MAF: variants seen among roughly 807,000 people sequenced by gnomAD.
The protein encoded by MAF is MAF bZIP transcription factor.
MAF carries 10 observed loss-of-function variants against 22.0 expected under a neutral mutation model. The ratio of observed to expected loss-of-function variants is 0.45; its 90% confidence interval spans 0.28 to 0.77. The LOEUF is 0.77. Ranked by LOEUF, MAF falls within the 30% of genes least tolerant of loss-of-function variation. The probability of loss-of-function intolerance (pLI) is 0.12; values close to 1 mark genes in which losing one functional copy is unlikely to be tolerated. For missense variants in MAF, 544 were observed against 548.4 expected, an observed-to-expected ratio of 0.99 and a Z score of 0.08; for synonymous variants, 337 against 255.8, an observed-to-expected ratio of 1.32 and a Z score of -3.03.
intron 1 of MAF, chr16:79,595,774 A>G (rs1913482769): frequency 9.5e-7 from 1 of 1,056,800 alleles, no homozygotes; most frequent in South Asian, 4.6e-5. Flanking sequence ...AATCATTACT[A>G]GCTCATCCAG....
the MAF span, among the ~76,000 whole-genome samples, chr16:79,351,095 C>G: frequency 6.6e-6 from 1 of 152,148 alleles, no homozygotes; most frequent in Non-Finnish European, 1.5e-5. Context: ...AAGTGGCATG[C>G]TCACTTGAAA....
chr16:79,257,960 G>C, the MAF span, among the ~76,000 whole-genome samples: 1 of 152,178 alleles, frequency 6.6e-6, no homozygotes, highest in Non-Finnish European at 1.5e-5. Flanking sequence ...ACTCTGCCAT[G>C]ATTTCTAAAA....
chr16:79,251,196 T>G, the MAF span, among the ~76,000 whole-genome samples: 1 of 152,200 alleles, frequency 6.6e-6, no homozygotes, highest in Non-Finnish European at 1.5e-5. Flanking sequence ...ACTTAAACCC[T>G]GTGTCAAAAT....
At chr16:79,306,979 T>G in the MAF span, among the ~76,000 whole-genome samples, 1 of 152,218 alleles carries the variant, frequency 6.6e-6, no homozygotes, top group Admixed American at 6.5e-5. Flanking sequence ...ATATGTACAA[T>G]CTGCTGTCTT....
At chr16:79,209,311 A>G in the MAF span, among the ~76,000 whole-genome samples, 10 of 152,204 alleles carry the variant, frequency 6.6e-5, no homozygotes, top group African/African-American at 2.4e-4. Flanking sequence ...CTTAGCAAAA[A>G]TACCATTCCA....
the MAF span, among the ~76,000 whole-genome samples, chr16:79,469,414 C>G: frequency 5.3e-5 from 8 of 152,224 alleles, no homozygotes; most frequent in South Asian, 1.5e-3. Context: ...CGCCTATTAC[C>G]TGGGTGGCTT....
the MAF span, among the ~76,000 whole-genome samples, chr16:79,386,738 C>T: frequency 8.5e-5 from 13 of 152,082 alleles, no homozygotes; most frequent in East Asian, 1.9e-4. Flanking sequence ...GTGATGGGGT[C>T]GTGGAAGTCT....
At chr16:79,450,473 T>G in the MAF span, among the ~76,000 whole-genome samples, 1 of 152,220 alleles carries the variant, frequency 6.6e-6, no homozygotes, top group African/African-American at 2.4e-5. Context: ...TTTTAATTCA[T>G]GAGTTGCTGT....
chr16:79,504,952 A>G, the MAF span, among the ~76,000 whole-genome samples: 2 of 152,110 alleles, frequency 1.3e-5, no homozygotes, highest in African/African-American at 4.8e-5. Flanking sequence ...GGGGTGTCCA[A>G]TTCTGTTTGG....
chr16:79,307,516 C>A, the MAF span, among the ~76,000 whole-genome samples: 1 of 152,172 alleles, frequency 6.6e-6, no homozygotes, highest in Non-Finnish European at 1.5e-5. Context: ...GAGGAAATAC[C>A]CCACACACAT....
At chr16:79,325,402 G>C in the MAF span, among the ~76,000 whole-genome samples, 2 of 152,156 alleles carry the variant, frequency 1.3e-5, no homozygotes, top group African/African-American at 4.8e-5. Context: ...ACAGCTGTGT[G>C]ACTCAGGTAT....
the MAF span, among the ~76,000 whole-genome samples, chr16:79,549,850 T>C: frequency 6.6e-6 from 1 of 152,114 alleles, no homozygotes; most frequent in Non-Finnish European, 1.5e-5. Flanking sequence ...CCTTATGAAG[T>C]GATCATTCCG....
At chr16:79,363,075 G>A in the MAF span, among the ~76,000 whole-genome samples, 1 of 151,998 alleles carries the variant, frequency 6.6e-6, no homozygotes, top group African/African-American at 2.4e-5. Context: ...GTCCCTAAAA[G>A]GGGGGGAACA....
the MAF span, among the ~76,000 whole-genome samples, chr16:79,420,261 G>T: frequency 6.6e-6 from 1 of 152,196 alleles, no homozygotes; most frequent in African/African-American, 2.4e-5. Flanking sequence ...AACAAAATGT[G>T]TGTCACGTTA....
the MAF span, among the ~76,000 whole-genome samples, chr16:79,573,664 A>G: frequency 1.8e-4 from 27 of 152,352 alleles, no homozygotes; most frequent in East Asian, 4.6e-3. Context: ...ATCTTAAAAT[A>G]ATTAAAGCTT....
At chr16:79,212,714 TTTTG>T in the MAF span, 10 of 152,300 alleles carry the variant, frequency 6.6e-5, no homozygotes, top group South Asian at 8.3e-4. Context: ...TTCAGTTTGT[TTTTG>T]TTTTTCATTT....
downstream of MAF, among the ~76,000 whole-genome samples, chr16:79,584,734 T>C (rs1912736991): frequency 6.6e-6 from 1 of 152,200 alleles, no homozygotes; most frequent in Non-Finnish European, 1.5e-5. Context: ...CCCAAATGTA[T>C]ACACTGAGTT....
the MAF span, among the ~76,000 whole-genome samples, chr16:79,242,032 C>T: frequency 6.6e-6 from 1 of 151,922 alleles, no homozygotes; most frequent in Non-Finnish European, 1.5e-5. Flanking sequence ...TACAAGAGCT[C>T]CTGAAGGAAG....
At chr16:79,213,295 TCGAA>T in the MAF span, among the ~76,000 whole-genome samples, 1 of 146,862 alleles carries the variant, frequency 6.8e-6, no homozygotes, top group African/African-American at 2.7e-5. Flanking sequence ...TGCAGAGCAG[TCGAA>T]CAAACAAACA....
Sources: gnomAD v4.1 joint callset for allele counts (sites outside exome capture counted in the v4.1 genomes callset) on GRCh38, gnomAD v4.1.1 for gene constraint, MANE v1.5 for transcripts, NCBI Gene and HGNC (gene_info 2026-07-23, HGNC 2026-07-21) for gene names.